Variants in IL1RAPL2 observed in about 807,000 individuals in gnomAD.
IL1RAPL2 encodes the protein X-linked interleukin-1 receptor accessory protein-like 2.
In IL1RAPL2, 3 loss-of-function variants were observed where a neutral mutation model predicts 44.1. The observed-to-expected ratio is 0.07, with a 90% CI of 0.03 to 0.18. The LOEUF (loss-of-function observed/expected upper bound fraction) is 0.18, where lower values mean the gene tolerates loss of function less well. Among genes scored for constraint, IL1RAPL2 ranks in the 10% least tolerant of loss-of-function variants. The probability of loss-of-function intolerance (pLI) is 1.00; values close to 1 mark genes in which losing one functional copy is unlikely to be tolerated. For synonymous variants in IL1RAPL2, 181 were observed against 178.8 expected, an observed-to-expected ratio of 1.01 and a Z score of -0.10; for missense variants, 391 against 496.4, an observed-to-expected ratio of 0.79 and a Z score of 2.02.
chrX:104,777,354 A>G (rs904627122), intron 2 of IL1RAPL2, among the ~76,000 whole-genome samples: 2 of 110,153 alleles, frequency 1.8e-5, no homozygotes, highest in Admixed American at 9.7e-5. Context: ...AGGTTTATCA[A>G]TATTGTACCA....
chrX:105,235,931 T>C (rs1277279320), intron 4 of IL1RAPL2, among the ~76,000 whole-genome samples: 1 of 112,252 alleles, frequency 8.9e-6, no homozygotes, highest in Non-Finnish European at 1.9e-5. Flanking sequence ...CAAGGCAGTG[T>C]GACTCCAGAA....
chrX:104,674,263 A>G (rs1438094475), intron 2 of IL1RAPL2, among the ~76,000 whole-genome samples: 1 of 111,378 alleles, frequency 9.0e-6, no homozygotes, highest in East Asian at 2.8e-4. Flanking sequence ...ATTATTTTGA[A>G]ATACGTCCCA....
At chrX:105,699,263 A>G (rs1053475645) in intron 6 of IL1RAPL2, among the ~76,000 whole-genome samples, 8 of 111,441 alleles carry the variant, frequency 7.2e-5, no homozygotes, top group African/African-American at 2.6e-4. Context: ...CGGTGCATGC[A>G]TTCTGTCACC....
chrX:105,729,565 G>T (rs1057340844), intron 7 of IL1RAPL2, among the ~76,000 whole-genome samples: 1 of 110,537 alleles, frequency 9.0e-6, no homozygotes, highest in Non-Finnish European at 1.9e-5. Context: ...TTATGGTTGA[G>T]TTTTAAGAGG....
chrX:105,003,822 T>C (rs1040707524), intron 2 of IL1RAPL2, among the ~76,000 whole-genome samples: 5 of 111,280 alleles, frequency 4.5e-5, no homozygotes, highest in Non-Finnish European at 3.8e-5. Flanking sequence ...GATCCATACT[T>C]GCAGAGGTCA....
At chrX:104,976,901 CAAA>C (rs113514364) in intron 2 of IL1RAPL2, among the ~76,000 whole-genome samples, 8 of 97,321 alleles carry the variant, frequency 8.2e-5, no homozygotes, top group Non-Finnish European at 1.0e-4. Flanking sequence ...GAGCCAAAGC[CAAA>C]AAAAAAAAAG....
chrX:105,319,106 A>G (rs112447686), intron 5 of IL1RAPL2, among the ~76,000 whole-genome samples: 5 of 112,345 alleles, frequency 4.5e-5, no homozygotes, highest in African/African-American at 1.6e-4. Flanking sequence ...GTGCGGCTGC[A>G]CTATCTTTCC....
intron 5 of IL1RAPL2, among the ~76,000 whole-genome samples, chrX:105,378,778 C>T (rs1189513260): frequency 8.9e-6 from 1 of 112,143 alleles, no homozygotes; most frequent in African/African-American, 3.2e-5. Flanking sequence ...TAACTAGGAG[C>T]ATGTTCTCTC....
rs146344873 is a variant in IL1RAPL2 at position 105,225,694 on chromosome X, A to ATTTTT, written c.357-8119_357-8115dup. Among the ~76,000 whole-genome samples, 540 of 106,236 alleles carry ATTTTT rather than the reference A, an allele frequency of 5.1e-3. 5 individuals are homozygous for ATTTTT. The highest frequency in any genetic ancestry group is 8.1e-3 in the Non-Finnish European group (417 of 51,588). The allele number at this position is 106,236 out of a possible 115,157, so 92.3% of individuals were successfully genotyped here. A position where few individuals can be genotyped will look rare whatever the true frequency, so the allele number is the denominator to read the frequency against. ...ATTTTATTTTATTTTATTTTATTTT[A>ATTTTT]TTTTTTTTTCTGAGACAGAGTCTCC... On this transcript the variant is annotated intron_variant, in intron 3 of 10. Coordinates refer to ENST00000372582, the MANE Select transcript of IL1RAPL2 (RefSeq NM_017416.2).
chrX:104,829,443 C>T (rs1169133467), intron 2 of IL1RAPL2, among the ~76,000 whole-genome samples: 2 of 111,866 alleles, frequency 1.8e-5, no homozygotes, highest in Non-Finnish European at 3.8e-5. Flanking sequence ...CTTCTGCTCG[C>T]TCTCCATGGG....
intron 1 of IL1RAPL2, among the ~76,000 whole-genome samples, chrX:104,603,714 G>T (rs1928936028): frequency 9.0e-6 from 1 of 111,359 alleles, no homozygotes; most frequent in Admixed American, 9.6e-5. Flanking sequence ...AGTGATTGAA[G>T]ATCAACCTAA....
chrX:104,880,471 C>A (rs1232077774), intron 2 of IL1RAPL2, among the ~76,000 whole-genome samples: 2 of 111,623 alleles, frequency 1.8e-5, no homozygotes, highest in Non-Finnish European at 3.8e-5. Context: ...TTCACAAGAA[C>A]ATAGAATACA....
At chrX:104,697,127 CAG>C (rs1275747243) in intron 2 of IL1RAPL2, among the ~76,000 whole-genome samples, 1 of 112,588 alleles carries the variant, frequency 8.9e-6, no homozygotes, top group Non-Finnish European at 1.9e-5. Flanking sequence ...ACATTTAAGA[CAG>C]AATTCAATTT....
chrX:104,973,890 C>A (rs2030283038), intron 2 of IL1RAPL2, among the ~76,000 whole-genome samples: 1 of 111,821 alleles, frequency 8.9e-6, no homozygotes, highest in African/African-American at 3.2e-5. Flanking sequence ...TTTAAATATT[C>A]TTTCTTGCAA....
At chrX:105,276,487 G>A (rs919485970) in intron 5 of IL1RAPL2, among the ~76,000 whole-genome samples, 1 of 112,466 alleles carries the variant, frequency 8.9e-6, no homozygotes, top group Non-Finnish European at 1.9e-5. Flanking sequence ...GGTGGACCAG[G>A]TGTGTGAAGC....
intron 2 of IL1RAPL2, among the ~76,000 whole-genome samples, chrX:105,021,582 T>G (rs965420724): frequency 9.0e-6 from 1 of 111,140 alleles, no homozygotes; most frequent in African/African-American, 3.3e-5. Context: ...GAGTAATTAT[T>G]TAGTGTACAG....
chrX:104,837,909 G>A (rs1403017098), intron 2 of IL1RAPL2, among the ~76,000 whole-genome samples: 1 of 112,003 alleles, frequency 8.9e-6, no homozygotes, highest in Non-Finnish European at 1.9e-5. Flanking sequence ...TTTGTATAAG[G>A]TGTAAGGAAG....
intron 1 of IL1RAPL2, among the ~76,000 whole-genome samples, chrX:104,577,260 C>T (rs1389242697): frequency 3.6e-5 from 4 of 111,879 alleles, no homozygotes; most frequent in Non-Finnish European, 7.5e-5. Context: ...CCAATTGGAG[C>T]ATTGGAGCTT....
intron 1 of IL1RAPL2, among the ~76,000 whole-genome samples, chrX:104,577,382 G>GT (rs767927949): frequency 1.8e-5 from 2 of 112,104 alleles, no homozygotes; most frequent in African/African-American, 6.5e-5. Flanking sequence ...CAGCTGTGCA[G>GT]TTTTTTCAAG....
Sources: gnomAD v4.1 joint callset for allele counts (sites outside exome capture counted in the v4.1 genomes callset) on GRCh38, gnomAD v4.1.1 for gene constraint, MANE v1.5 for transcripts, NCBI Gene and HGNC (gene_info 2026-07-23, HGNC 2026-07-21) for gene names.